SLC6A2: variants seen among roughly 807,000 people sequenced by gnomAD.
SLC6A2 encodes the protein solute carrier family 6 member 2.
SLC6A2 carries 26 observed loss-of-function variants against 71.7 expected under a neutral mutation model. The observed-to-expected ratio is 0.36, with a 90% CI of 0.27 to 0.50. The LOEUF is 0.50. SLC6A2 is among the 20% of genes least tolerant of loss of function. SLC6A2 has a pLI of 0.96. For missense variants in SLC6A2, 581 were observed against 803.9 expected (o/e 0.72, Z 3.35); for synonymous variants, 363 against 337.9 (o/e 1.07, Z -0.82).
intron 2 of SLC6A2, among the ~76,000 whole-genome samples, 165 bp from the exon 3 acceptor site, chr16:55,669,400 C>A (rs1236732379): frequency 6.6e-6 from 1 of 152,164 alleles, no homozygotes; most frequent in Non-Finnish European, 1.5e-5. Context: ...ATTACTACCA[C>A]AAATATTCTT....
chr16:55,671,464 C>A (rs565793874), intron 3 of SLC6A2, among the ~76,000 whole-genome samples: 43 of 152,264 alleles, frequency 2.8e-4, no homozygotes, highest in African/African-American at 1.0e-3. Flanking sequence ...TTCCTCAATC[C>A]CCGGGCCACG....
At chr16:55,690,072 T>C (rs574576117) in intron 5 of SLC6A2, among the ~76,000 whole-genome samples, 1 of 152,256 alleles carries the variant, frequency 6.6e-6, no homozygotes, top group Admixed American at 6.5e-5. Flanking sequence ...CATCCATCCA[T>C]CCATCTACTC....
At chr16:55,665,826 A>G (rs1964734445) in intron 2 of SLC6A2, among the ~76,000 whole-genome samples, 1 of 152,190 alleles carries the variant, frequency 6.6e-6, no homozygotes, top group Non-Finnish European at 1.5e-5. Flanking sequence ...CTGTACCCAG[A>G]AGAGTTTCTC....
chr16:55,679,239 T>C (rs564420311), intron 4 of SLC6A2, among the ~76,000 whole-genome samples: 20 of 151,970 alleles, frequency 1.3e-4, no homozygotes, highest in Admixed American at 1.1e-3. Flanking sequence ...TTTCTTTTTT[T>C]TTTTTTGAGG....
Position 55,657,811 on chromosome 16 carries a change from C to G in SLC6A2, c.274+843C>G, listed in dbSNP as rs144081623. Among the ~76,000 whole-genome samples, 528 of 152,286 alleles carry G rather than the reference C, an allele frequency of 3.5e-3. 7 individuals are homozygous for G. The highest frequency in any genetic ancestry group is 0.01 in the Middle Eastern group (3 of 294). ...AAAATGAGAGCCTAGAGATCACCTACAGCCAATCCAGGAAGAATAACATAG... is the reference window on the plus strand; with the variant it reads ...AAAATGAGAGCCTAGAGATCACCTAGAGCCAATCCAGGAAGAATAACATAG... On this transcript the variant is annotated intron_variant, in intron 2 of 14. Transcript: ENST00000568943.
chr16:55,683,472 G>A (rs1165200383), intron 4 of SLC6A2, among the ~76,000 whole-genome samples: 1 of 152,060 alleles, frequency 6.6e-6, no homozygotes, highest in Admixed American at 6.5e-5. Flanking sequence ...ATTTAGCCGA[G>A]TATGATGGTG....
chr16:55,699,014 C>T (rs1965886923), intron 11 of SLC6A2, among the ~76,000 whole-genome samples: 1 of 152,018 alleles, frequency 6.6e-6, no homozygotes, highest in Admixed American at 6.5e-5. Context: ...TGTATTTTTT[C>T]TGGCAAACTT....
At position 55,698,036 on chromosome 16, in the gene SLC6A2, G is replaced by T. The variant is rs1681612930; in HGVS notation, c.1389+11G>T. On this transcript the variant is annotated intron_variant, in intron 10 of 14. Transcript: ENST00000568943. The stretch of plus-strand genomic sequence containing the variant: ...TTCTGCATAACCAAGGTGAGTAGGG[G>T]CTGGGCTCTGGGTCACCTGGGGGCC... The T allele has an allele frequency of 6.2e-7, 1 of 1,614,042 alleles. No individual in the cohort carries two copies. The highest frequency in any genetic ancestry group is 1.7e-5 in the Admixed American group (1 of 60,006).
chr16:55,683,366 C>T (rs1432845933), intron 4 of SLC6A2, among the ~76,000 whole-genome samples: 1 of 152,156 alleles, frequency 6.6e-6, no homozygotes, highest in African/African-American at 2.4e-5. Context: ...AATCCCAGCA[C>T]TTTGGGAGGC....
At position 55,702,401 on chromosome 16, in the gene SLC6A2, C is replaced by A; in HGVS notation, c.*55C>A. ...ATGCCAATGTCCAGGTCACAGGCAT[C>A]CGCTGCGCTCCCACCTCGGACACCA... On this transcript the variant is annotated 3_prime_UTR_variant, in exon 15 of 15. Coordinates refer to ENST00000568943, the MANE Select transcript of SLC6A2 (RefSeq NM_001172501.3). 1 of 1,614,100 alleles carries A rather than the reference C, an allele frequency of 6.2e-7. No individual in the cohort carries two copies. The highest frequency in any genetic ancestry group is 8.5e-7 in the Non-Finnish European group (1 of 1,180,006).
intron 5 of SLC6A2, among the ~76,000 whole-genome samples, chr16:55,691,099 G>T (rs1002034029): frequency 6.6e-6 from 1 of 151,802 alleles, no homozygotes; most frequent in African/African-American, 2.4e-5. Context: ...TATGCTTAAA[G>T]GGGGGTAAAG....
intron 4 of SLC6A2, 30 bp from the exon 5 acceptor site, chr16:55,685,113 C>T (rs777137074): frequency 6.2e-7 from 1 of 1,613,506 alleles, no homozygotes; most frequent in Non-Finnish European, 8.5e-7. Context: ...ACGACATTTA[C>T]CCTGGTCCCC....
intron 4 of SLC6A2, among the ~76,000 whole-genome samples, chr16:55,684,742 C>T (rs555413776): frequency 6.6e-6 from 1 of 152,300 alleles, no homozygotes; most frequent in African/African-American, 2.4e-5. Context: ...TGCCAAATAT[C>T]CTCCGGGGTG....
At position 55,702,476 on chromosome 16, in the gene SLC6A2, T is replaced by G; in HGVS notation, c.*130T>G. The G allele has an allele frequency of 6.4e-7, 1 of 1,571,434 alleles. No homozygotes were observed. Among genetic ancestry groups the G allele is most frequent in the Non-Finnish European group, 8.6e-7 (1 of 1,157,180 alleles). On this transcript the variant is annotated 3_prime_UTR_variant, in exon 15 of 15. Coordinates refer to ENST00000568943, the MANE Select transcript of SLC6A2 (RefSeq NM_001172501.3). Reference sequence around the variant, plus strand: ...TGTCCTTTCTGATCCTCTCTTCTTTTCCCATTTACAAATGATTTCGTGACT... The same window carrying G: ...TGTCCTTTCTGATCCTCTCTTCTTTGCCCATTTACAAATGATTTCGTGACT...
Position 55,656,728 on chromosome 16 carries a change from C to T in SLC6A2, c.34C>T (p.Pro12Ser), listed in dbSNP as rs747194482. 16 of 1,612,824 alleles carry T rather than the reference C, an allele frequency of 9.9e-6. No individual in the cohort carries two copies. The South Asian group carries it at 1.6e-4, about 17-fold the overall frequency. Reference protein sequence around the residue: ...LLARMNPQVQPENNGADTGPE... With the variant: ...LLARMNPQVQSENNGADTGPE... ...GGCGCGGATGAACCCGCAGGTGCAG[C>T]CCGAGAACAACGGGGCGGACACGGG... is the stretch of plus-strand genomic sequence containing the variant. Residue 12 changes from proline to serine, a missense_variant, in exon 2 of 15, where the codon CCC (proline) becomes TCC (serine). By Grantham distance (74) the Pro-to-Ser change is moderately conservative. Coordinates refer to ENST00000568943, the MANE Select transcript of SLC6A2 (RefSeq NM_001172501.3). This position sits in a 1 kb window ranked among gnomAD's most constrained non-coding sequence, Gnocchi z 4.5.
intron 4 of SLC6A2, among the ~76,000 whole-genome samples, chr16:55,680,729 A>G (rs1270358016): frequency 2.0e-5 from 3 of 152,162 alleles, no homozygotes; most frequent in Non-Finnish European, 4.4e-5. Context: ...TAACCATCAC[A>G]GACAGAATGT....
Position 55,705,575 on chromosome 16 carries a change from T to C in SLC6A2, c.*3229T>C. On this transcript the variant is annotated 3_prime_UTR_variant, in exon 15 of 15. Transcript: ENST00000568943. ...GTGGCCTGGGGATAGTGGCTTCATC[T>C]TTTGGGGCTTCAAGATTCTTTGTCT... 1 of 301,932 alleles carries C rather than the reference T, an allele frequency of 3.3e-6. No individual in the cohort carries two copies. Among genetic ancestry groups the C allele is most frequent in the Non-Finnish European group, 6.1e-6 (1 of 164,744 alleles). 18.7% of individuals were successfully genotyped at this position (301,932 alleles called of 1,614,324 possible). A position where few individuals can be genotyped will look rare whatever the true frequency, so the allele number is the denominator to read the frequency against.
At chr16:55,696,402 A>T (rs1424484930) in intron 9 of SLC6A2, 65 bp downstream of exon 9, 10 of 943,408 alleles carry the variant, frequency 1.1e-5, no homozygotes, top group African/African-American at 1.6e-5. Flanking sequence ...TCCCCAACAC[A>T]CAGTGCTGGG....
At chr16:55,692,181 C>A in intron 6 of SLC6A2, 129 bp downstream of exon 6, 2 of 1,096,208 alleles carry the variant, frequency 1.8e-6, no homozygotes, top group East Asian at 2.4e-5. Flanking sequence ...GGATCCTTCC[C>A]TGTCTGAGGT....
Sources: gnomAD v4.1 joint callset for allele counts (sites outside exome capture counted in the v4.1 genomes callset) on GRCh38, gnomAD v4.1.1 for gene constraint, Gnocchi (gnomAD v3.1) non-coding constraint, MANE v1.5 for transcripts, NCBI Gene and HGNC (gene_info 2026-07-23, HGNC 2026-07-21) for gene names.